The following PALLD variants were observed in gnomAD, a reference collection of about 807,000 sequenced individuals.
The protein encoded by PALLD is palladin, cytoskeletal associated protein.
Under a neutral mutation model 123.5 loss-of-function variants are expected in PALLD, and 61 were observed. The ratio of observed to expected loss-of-function variants is 0.49; its 90% CI spans 0.40 to 0.61. The LOEUF (loss-of-function observed/expected upper bound fraction) is 0.61, where lower values mean the gene tolerates loss of function less well. Ranked by LOEUF, PALLD falls within the 20% of genes least tolerant of loss-of-function variation. The probability of loss-of-function intolerance (pLI) is 0.00; values close to 1 mark genes in which losing one functional copy is unlikely to be tolerated. For missense variants in PALLD, 1,273 were observed against 1,377.0 expected (o/e 0.92, Z 1.20); for synonymous variants, 465 against 496.4 (o/e 0.94, Z 0.84).
chr4:168,838,316 T>A (rs1210655765), intron 10 of PALLD, among the ~76,000 whole-genome samples: 1 of 152,130 alleles, frequency 6.6e-6, no homozygotes, highest in Non-Finnish European at 1.5e-5. Context: ...GAGCTGATTC[T>A]CCTGTAGCCC....
intron 10 of PALLD, among the ~76,000 whole-genome samples, chr4:168,794,494 G>GCACACACACA (rs148394196): frequency 7.4e-6 from 1 of 135,762 alleles, no homozygotes; most frequent in South Asian, 2.4e-4. Context: ...ACACATGCAC[G>GCACACACACA]CACACACACA....
At chr4:168,757,098 G>A (rs908425575) in intron 10 of PALLD, among the ~76,000 whole-genome samples, 6 of 152,156 alleles carry the variant, frequency 3.9e-5, no homozygotes, top group African/African-American at 7.2e-5. Flanking sequence ...AGGAAGGGGC[G>A]GAGACAGAGC....
At chr4:168,615,099 C>G (rs895170485) in intron 2 of PALLD, among the ~76,000 whole-genome samples, 1 of 151,232 alleles carries the variant, frequency 6.6e-6, no homozygotes, top group Non-Finnish European at 1.5e-5. Flanking sequence ...GGGTTTAGCT[C>G]ATATTTCTTG....
intron 2 of PALLD, among the ~76,000 whole-genome samples, chr4:168,622,341 C>T (rs753995974): frequency 6.6e-6 from 1 of 152,204 alleles, no homozygotes; most frequent in Non-Finnish European, 1.5e-5. Context: ...ACTGGTCCAT[C>T]ATTTTGGGAT....
chr4:168,755,685 G>C (rs919978451), intron 10 of PALLD: 6 of 152,336 alleles, frequency 3.9e-5, no homozygotes, highest in African/African-American at 7.2e-5. Context: ...GAATAGTCTG[G>C]AGGTAGCGAG....
At chr4:168,790,424 TGCTGGGATTACAGGCCTGA>T (rs1428778971) in intron 10 of PALLD, among the ~76,000 whole-genome samples, 83 of 151,466 alleles carry the variant, frequency 5.5e-4, no homozygotes, top group African/African-American at 2.0e-3. Flanking sequence ...TCTCCCAAAG[TGCTGGGATTACAGGCCTGA>T]GCCACCATGC....
chr4:168,797,812 C>G (rs1452498862), intron 10 of PALLD, among the ~76,000 whole-genome samples: 1 of 152,106 alleles, frequency 6.6e-6, no homozygotes, highest in Non-Finnish European at 1.5e-5. Flanking sequence ...TTAGCTCCCT[C>G]TTCTACCACC....
intron 10 of PALLD, among the ~76,000 whole-genome samples, chr4:168,803,695 AAAAG>A (rs1415103640): frequency 6.6e-6 from 1 of 151,408 alleles, no homozygotes. Context: ...AAAAAAAAAA[AAAAG>A]AAAAAAGGAA....
rs767770753 is a variant in PALLD at position 168,691,264 on chromosome 4, A to C, written c.1478-5A>C. The C allele has an allele frequency of 6.2e-7, 1 of 1,609,804 alleles. No homozygotes were observed. The highest frequency in any genetic ancestry group is 1.1e-5 in the South Asian group (1 of 90,576). ...TCTAATTTATTTTTTTCATGTGGCAAACAGAACCTAGATCTACAGCTGAAC... is the reference window on the plus strand; with the variant it reads ...TCTAATTTATTTTTTTCATGTGGCACACAGAACCTAGATCTACAGCTGAAC... On this transcript the variant is annotated splice_polypyrimidine_tract_variant and splice_region_variant and intron_variant, in intron 7 of 21. Transcript: ENST00000505667.
At chr4:168,720,697 C>T (rs909541548) in intron 10 of PALLD, among the ~76,000 whole-genome samples, 1 of 152,120 alleles carries the variant, frequency 6.6e-6, no homozygotes, top group African/African-American at 2.4e-5. Context: ...CTTAGATACC[C>T]GATTGTTCCA....
At chr4:168,571,569 C>T (rs1216192290) in intron 2 of PALLD, among the ~76,000 whole-genome samples, 1 of 152,136 alleles carries the variant, frequency 6.6e-6, no homozygotes, top group African/African-American at 2.4e-5. Flanking sequence ...CCAGTTGACT[C>T]CCAAAATGTG....
intron 10 of PALLD, among the ~76,000 whole-genome samples, chr4:168,824,675 A>AT (rs765143856): frequency 6.6e-5 from 10 of 151,800 alleles, no homozygotes; most frequent in Non-Finnish European, 1.2e-4. Context: ...AAAAATCTTA[A>AT]TTTTTTTTCC....
At chr4:168,658,289 T>TTTTTG (rs1554058167) in intron 2 of PALLD, among the ~76,000 whole-genome samples, 1 of 148,210 alleles carries the variant, frequency 6.7e-6, no homozygotes. Flanking sequence ...TATTTGGTTT[T>TTTTTG]TTTTTTTTTT....
chr4:168,521,548 C>G (rs543980619), intron 2 of PALLD, among the ~76,000 whole-genome samples: 1 of 152,212 alleles, frequency 6.6e-6, no homozygotes, highest in South Asian at 2.1e-4. Context: ...AAAGTGTTTA[C>G]TTTTATAGTT....
intron 10 of PALLD, among the ~76,000 whole-genome samples, chr4:168,788,547 A>T (rs1561524410): frequency 6.6e-6 from 1 of 152,058 alleles, no homozygotes; most frequent in Non-Finnish European, 1.5e-5. Flanking sequence ...GTGATGGGGG[A>T]TCCCTGTCAC....
intron 3 of PALLD, among the ~76,000 whole-genome samples, chr4:168,678,680 C>T (rs755421917): frequency 5.9e-5 from 9 of 152,014 alleles, no homozygotes; most frequent in African/African-American, 1.9e-4. Context: ...CATCACAGCC[C>T]GTGCCCCTCC....
chr4:168,574,266 G>T (rs1231310846), intron 2 of PALLD, among the ~76,000 whole-genome samples: 1 of 151,792 alleles, frequency 6.6e-6, no homozygotes, highest in Non-Finnish European at 1.5e-5. Flanking sequence ...ATAAATTATT[G>T]TGCTTTACAA....
intron 21 of PALLD, 114 bp from the exon 22 acceptor site, chr4:168,926,099 G>A (rs1582262470): frequency 6.2e-6 from 5 of 806,256 alleles, no homozygotes; most frequent in Non-Finnish European, 9.2e-6. Flanking sequence ...TTTCTACCAT[G>A]GATGTGTTCA....
intron 2 of PALLD, among the ~76,000 whole-genome samples, chr4:168,646,403 G>A (rs970254462): frequency 1.3e-4 from 20 of 152,202 alleles, no homozygotes; most frequent in Admixed American, 7.9e-4. Context: ...GCCAAGCTCG[G>A]GGCTTCGTTG....
Sources: allele counts gnomAD v4.1 joint callset (sites outside exome capture counted in the v4.1 genomes callset), GRCh38; gene constraint gnomAD v4.1.1; transcripts MANE v1.5; gene names NCBI Gene and HGNC (gene_info 2026-07-23, HGNC 2026-07-21).